The following JPT1 variants were observed in gnomAD, a reference collection of about 807,000 sequenced individuals.
JPT1 encodes the protein androgen-regulated protein 2.
A neutral mutation model predicts 17.0 loss-of-function variants in JPT1; 5 were observed. The observed-to-expected ratio is 0.29, with a 90% CI of 0.15 to 0.62. JPT1 has a LOEUF of 0.62. Ranked by LOEUF, JPT1 falls within the 20% of genes least tolerant of loss-of-function variation. The probability of loss-of-function intolerance (pLI) is 0.85; values close to 1 mark genes in which losing one functional copy is unlikely to be tolerated. For missense variants in JPT1, 158 were observed against 188.1 expected, an observed-to-expected ratio of 0.84 and a Z score of 0.94; for synonymous variants, 71 against 73.6, an observed-to-expected ratio of 0.96 and a Z score of 0.18.
At chr17:75,137,541 T>TA (rs1206132042) in intron 4 of JPT1, among the ~76,000 whole-genome samples, 4 of 151,494 alleles carry the variant, frequency 2.6e-5, no homozygotes, top group South Asian at 2.1e-4. Context: ...TTTTTTTTTT[T>TA]TTTATTTTTA....
At chr17:75,136,323 C>G in intron 4 of JPT1, 73 bp from the exon 5 acceptor site, 1 of 1,433,698 alleles carries the variant, frequency 7.0e-7, no homozygotes, top group East Asian at 2.3e-5. Context: ...ATCTGTTTCT[C>G]TTTTTCTTTT....
intron 1 of JPT1, among the ~76,000 whole-genome samples, chr17:75,152,718 G>T (rs1479810822): frequency 6.6e-6 from 1 of 152,134 alleles, no homozygotes; most frequent in African/African-American, 2.4e-5. Context: ...TCCGACGACT[G>T]AAGTCTAACC....
chr17:75,146,199 A>C (rs1423251358), intron 4 of JPT1, among the ~76,000 whole-genome samples: 1 of 152,178 alleles, frequency 6.6e-6, no homozygotes, highest in Non-Finnish European at 1.5e-5. Flanking sequence ...TGTCACCCAG[A>C]CTGGAGTATA....
intron 1 of JPT1, among the ~76,000 whole-genome samples, chr17:75,150,244 CTTTT>C (rs958087015): frequency 6.6e-6 from 1 of 151,758 alleles, no homozygotes; most frequent in East Asian, 1.9e-4. Context: ...TATAGAAATA[CTTTT>C]TTTTCTTTTC....
chr17:75,151,844 C>T (rs1045880924), intron 1 of JPT1, among the ~76,000 whole-genome samples: 1 of 151,900 alleles, frequency 6.6e-6, no homozygotes, highest in Non-Finnish European at 1.5e-5. Context: ...TGGCACATGC[C>T]TGTAATCTCG....
chr17:75,143,607 G>A (rs1417472822), intron 4 of JPT1, among the ~76,000 whole-genome samples: 1 of 151,630 alleles, frequency 6.6e-6, no homozygotes, highest in East Asian at 1.9e-4. Flanking sequence ...AGGCTGAGGA[G>A]GGTGGATCAC....
Position 75,147,620 on chromosome 17 carries a change from T to G in JPT1, c.233A>C (p.Glu78Ala). The G allele has an allele frequency of 6.2e-7, 1 of 1,613,982 alleles. No homozygotes were observed. Among genetic ancestry groups the G allele is most frequent in the Non-Finnish European group, 8.5e-7 (1 of 1,179,860 alleles). Residue 78 changes from glutamate (E) to alanine (A), a missense_variant, in exon 3 of 5, where the codon GAG (glutamate) becomes GCG (alanine). Glu to Ala is a moderately radical substitution (Grantham distance 107, BLOSUM62 -1). Transcript: ENST00000409753. ...GTTCCTTCTCTGCAGTCCAGATGACTCCAAGTCTTCCCTGCCACCACTAGA... is the reference window on the plus strand; with the variant it reads ...GTTCCTTCTCTGCAGTCCAGATGACGCCAAGTCTTCCCTGCCACCACTAGA... ...AKSSGGREDLESSGLQRRNSS... is the reference protein window; with the variant it reads ...AKSSGGREDLASSGLQRRNSS...
chr17:75,148,654 C>A lies in JPT1; in HGVS notation c.74G>T (p.Gly25Val). ...ACCTAATGAAAAATTGGATCCACCA[C>A]CTGGAGGCCGCAAAACTCTGCAAAT... The part of the protein sequence containing the change: ...RNSSRVLRPP[G>V]GGSNFSLGFD... Residue 25 changes from glycine (G) to valine (V), a missense_variant, in exon 2 of 5, where the codon GGT (glycine) becomes GTT (valine). Gly to Val is a moderately radical substitution (Grantham distance 109, BLOSUM62 -3). Transcript: ENST00000409753. 1 of 1,614,178 alleles carries A rather than the reference C, an allele frequency of 6.2e-7. No homozygotes were observed. The highest frequency in any genetic ancestry group is 8.5e-7 in the Non-Finnish European group (1 of 1,180,038).
chr17:75,152,746 G>A lies in JPT1; in HGVS notation c.56+1596C>T, dbSNP rs183633029. On this transcript the variant is annotated intron_variant, in intron 1 of 4. Coordinates refer to ENST00000409753, the MANE Select transcript of JPT1 (RefSeq NM_016185.4). ...GTCTAACCGGCAGAAAGTTGGCCTC[G>A]TAACACAAAATGAAAAACCAAGGCT... Among the ~76,000 whole-genome samples, 64 of 152,208 alleles carry A rather than the reference G, an allele frequency of 4.2e-4. No homozygotes were observed. In the East Asian group the frequency reaches 0.011, roughly 27 times the overall value.
intron 4 of JPT1, among the ~76,000 whole-genome samples, chr17:75,141,637 G>A (rs1005931143): frequency 6.0e-5 from 9 of 150,732 alleles, no homozygotes; most frequent in African/African-American, 2.2e-4. Flanking sequence ...TGGCGACAGA[G>A]TGAGACTCTC....
At chr17:75,150,851 T>C (rs9907404) in intron 1 of JPT1, among the ~76,000 whole-genome samples, 191 of 109,940 alleles carry the variant, frequency 1.7e-3, no homozygotes, top group African/African-American at 0.012. Context: ...TTCTTTCTTT[T>C]TTTTTTTTTT....
chr17:75,142,277 C>T (rs1342179774), intron 4 of JPT1, among the ~76,000 whole-genome samples: 4 of 151,180 alleles, frequency 2.6e-5, no homozygotes, highest in Non-Finnish European at 4.4e-5. Flanking sequence ...GCAGTAGAAC[C>T]GGCCGGGCCT....
rs545819777 is a variant in JPT1 at position 75,145,396 on chromosome 17, C to T, written c.316+1270G>A. 1.2e-3 allele frequency: 181 copies of T among 152,236 alleles called. 1 individual carries two copies. The highest frequency in any genetic ancestry group is 4.2e-3 in the African/African-American group (176 of 41,554). The allele number at this position is 152,236 out of a possible 1,614,324, so 9.4% of individuals were successfully genotyped here. A position where few individuals can be genotyped will look rare whatever the true frequency, so the allele number is the denominator to read the frequency against. ...TGACACTTACAAACCTTGCACTCAT[C>T]GGCAAGTCTTTAGCACTTGTTACAG... is the stretch of plus-strand genomic sequence containing the variant. On this transcript the variant is annotated intron_variant, in intron 4 of 4. Transcript: ENST00000409753.
intron 1 of JPT1, 54 bp downstream of exon 1, chr17:75,154,288 G>A (rs1372199246): frequency 2.1e-6 from 3 of 1,401,724 alleles, no homozygotes; most frequent in Non-Finnish European, 2.8e-6. Flanking sequence ...CGCCGGCAGC[G>A]GCCCTCCCAG....
At position 75,146,500 on chromosome 17, in the gene JPT1, T is replaced by C. The variant is rs1029979594; in HGVS notation, c.316+166A>G. On this transcript the variant is annotated intron_variant, in intron 4 of 4. Coordinates refer to ENST00000409753, the MANE Select transcript of JPT1 (RefSeq NM_016185.4). ...TCTCTGTTTTTTCCCTTCTATTATG[T>C]TTCTAGCATTGATCGCGTTACTGGC... The C allele has an allele frequency of 2.0e-5, 11 of 544,562 alleles. No homozygotes were observed. The African/African-American group carries it at 2.2e-4, about 11-fold the overall frequency. 33.7% of individuals were successfully genotyped at this position (544,562 alleles called of 1,614,324 possible).
chr17:75,150,923 G>A (rs2074540237), intron 1 of JPT1, among the ~76,000 whole-genome samples: 1 of 144,508 alleles, frequency 6.9e-6, no homozygotes, highest in Admixed American at 7.3e-5. Context: ...GTGCGATCTC[G>A]GCTCACTGCA....
chr17:75,143,621 A>AGGT (rs1375452458), intron 4 of JPT1, among the ~76,000 whole-genome samples: 1 of 151,970 alleles, frequency 6.6e-6, no homozygotes, highest in African/African-American at 2.4e-5. Context: ...GGATCACCTG[A>AGGT]GGTCAGGAGA....
At chr17:75,153,387 C>T (rs1363836265) in intron 1 of JPT1, 1 of 152,334 alleles carries the variant, frequency 6.6e-6, no homozygotes, top group African/African-American at 2.4e-5. Context: ...AAAAATCCCC[C>T]GCTTCCCAGG....
chr17:75,149,591 T>A lies in JPT1; in HGVS notation c.57-920A>T, dbSNP rs555104176. On this transcript the variant is annotated intron_variant, in intron 1 of 4. Transcript: ENST00000409753. ...ACCGTGTTAGCCAGGATGCTCTTGA[T>A]CTCCTGACCTCATGATCCACTCACC... Among the ~76,000 whole-genome samples the A allele has an allele frequency of 2.6e-5, 4 of 152,052 alleles. No individual in the cohort carries two copies. The East Asian group carries it at 7.8e-4, about 30-fold the overall frequency.
Sources: gnomAD v4.1 joint callset for allele counts (sites outside exome capture counted in the v4.1 genomes callset) on GRCh38, gnomAD v4.1.1 for gene constraint, MANE v1.5 for transcripts, NCBI Gene and HGNC (gene_info 2026-07-23, HGNC 2026-07-21) for gene names.